Variants in PAK5 observed in about 807,000 individuals in gnomAD.
PAK5 encodes the protein p21 (RAC1) activated kinase 5.
In PAK5, 16 loss-of-function variants were observed where a neutral mutation model predicts 65.9. The observed-to-expected ratio is 0.24, with a 90% CI of 0.16 to 0.37. PAK5 has a LOEUF of 0.37. Among genes scored for constraint, PAK5 ranks in the 10% least tolerant of loss-of-function variants. The probability of loss-of-function intolerance (pLI) is 1.00; values close to 1 mark genes in which losing one functional copy is unlikely to be tolerated. For synonymous variants in PAK5, 371 were observed against 354.9 expected, an observed-to-expected ratio of 1.05 and a Z score of -0.51; for missense variants, 785 against 903.9, an observed-to-expected ratio of 0.87 and a Z score of 1.69.
At chr20:9,662,268 A>G (rs2047357001) in intron 2 of PAK5, among the ~76,000 whole-genome samples, 1 of 152,118 alleles carries the variant, frequency 6.6e-6, no homozygotes, top group Non-Finnish European at 1.5e-5. Context: ...ACCATGTTCA[A>G]TCAATATGAT....
intron 1 of PAK5, among the ~76,000 whole-genome samples, chr20:9,737,631 G>A (rs1193822496): frequency 6.6e-6 from 1 of 151,858 alleles, no homozygotes; most frequent in Non-Finnish European, 1.5e-5. Flanking sequence ...TTAAAAAAAA[G>A]CAAGCAACCC....
At chr20:9,758,874 C>T (rs1031497878) in intron 1 of PAK5, among the ~76,000 whole-genome samples, 4 of 152,038 alleles carry the variant, frequency 2.6e-5, no homozygotes, top group Non-Finnish European at 5.9e-5. Context: ...TGCCTGGAGG[C>T]CATGTCTAAG....
chr20:9,718,392 A>G (rs2048174944), intron 1 of PAK5, among the ~76,000 whole-genome samples: 1 of 152,008 alleles, frequency 6.6e-6, no homozygotes, highest in African/African-American at 2.4e-5. Flanking sequence ...CTGTTGTATT[A>G]CTCACCCTTT....
chr20:9,598,022 T>C (rs535487733), intron 3 of PAK5, among the ~76,000 whole-genome samples: 8 of 152,320 alleles, frequency 5.3e-5, no homozygotes, highest in Admixed American at 2.6e-4. Context: ...TAGGTAAACA[T>C]GTGCCATGGT....
At position 9,746,800 on chromosome 20, in the gene PAK5, C is replaced by T. The variant is rs149812164; in HGVS notation, c.-161-35365G>A. On this transcript the variant is annotated intron_variant, in intron 1 of 9. Transcript: ENST00000353224. ...TACCAAAAGCAAGAGCAAACACATTCAAAAGCTAGCAGAATGCAAGAAATA... is the reference window on the plus strand; with the variant it reads ...TACCAAAAGCAAGAGCAAACACATTTAAAAGCTAGCAGAATGCAAGAAATA... Among the ~76,000 whole-genome samples the T allele has an allele frequency of 9.1e-3, 1,383 of 152,184 alleles. 5 individuals carry two copies. The highest frequency in any genetic ancestry group is 0.014 in the Non-Finnish European group (967 of 67,988).
intron 3 of PAK5, among the ~76,000 whole-genome samples, chr20:9,612,262 C>CCT (rs1332165643): frequency 2.6e-5 from 4 of 152,344 alleles, no homozygotes; most frequent in Non-Finnish European, 5.9e-5. Context: ...ACACTTAGCG[C>CCT]ATTTCCTCTT....
At chr20:9,777,960 C>T (rs969424939) in intron 1 of PAK5, among the ~76,000 whole-genome samples, 3 of 152,124 alleles carry the variant, frequency 2.0e-5, no homozygotes, top group African/African-American at 4.8e-5. Context: ...GGTGGGTTTA[C>T]GTGAAGCTCT....
chr20:9,684,996 A>G (rs1482365439), intron 2 of PAK5, among the ~76,000 whole-genome samples: 1 of 152,208 alleles, frequency 6.6e-6, no homozygotes, highest in Non-Finnish European at 1.5e-5. Flanking sequence ...TCTCAGGACT[A>G]TAAATGCACT....
chr20:9,596,239 C>A (rs962571124), intron 3 of PAK5, among the ~76,000 whole-genome samples: 10 of 152,270 alleles, frequency 6.6e-5, no homozygotes, highest in African/African-American at 2.2e-4. Flanking sequence ...GCAGGTCAAT[C>A]AACTAGGGTC....
intron 1 of PAK5, among the ~76,000 whole-genome samples, chr20:9,772,621 T>G (rs979447543): frequency 6.6e-6 from 1 of 152,240 alleles, no homozygotes; most frequent in African/African-American, 2.4e-5. Context: ...GTGGTTGTAT[T>G]TCTCATAGAA....
chr20:9,611,286 T>C (rs1171404549), intron 3 of PAK5, among the ~76,000 whole-genome samples: 4 of 152,264 alleles, frequency 2.6e-5, no homozygotes, highest in Middle Eastern at 3.4e-3. Flanking sequence ...AACTCTCTAC[T>C]CTCCTCCTAT....
At chr20:9,830,882 C>T (rs1978658209) in intron 1 of PAK5, among the ~76,000 whole-genome samples, 1 of 152,212 alleles carries the variant, frequency 6.6e-6, no homozygotes, top group African/African-American at 2.4e-5. Context: ...TGGTATTCAA[C>T]CCTGTTTACC....
At chr20:9,601,826 G>A (rs538690087) in intron 3 of PAK5, among the ~76,000 whole-genome samples, 16 of 152,194 alleles carry the variant, frequency 1.1e-4, no homozygotes, top group South Asian at 4.1e-4. Context: ...GCCAAGAGGC[G>A]TCCAGAACAG....
intron 3 of PAK5, among the ~76,000 whole-genome samples, chr20:9,619,592 T>G (rs915006232): frequency 6.6e-6 from 1 of 152,218 alleles, no homozygotes; most frequent in Non-Finnish European, 1.5e-5. Context: ...TTCCTAAAGA[T>G]GAGGAGCTCG....
At position 9,699,500 on chromosome 20, in the gene PAK5, G is replaced by GA. The variant is rs201997539; in HGVS notation, c.-12+11785dup. ...CCTCAGTCTATTCCTTTTGAAACTT[G>GA]AAAAAAAAATATTAAGCTTATGAGG... On this transcript the variant is annotated intron_variant, in intron 2 of 9. Transcript: ENST00000353224. Among the ~76,000 whole-genome samples, 1,287 of 142,772 alleles carry GA rather than the reference G, an allele frequency of 9.0e-3. 11 individuals are homozygous for GA. Among genetic ancestry groups the GA allele is most frequent in the Middle Eastern group, 0.047 (13 of 274 alleles). The allele number at this position is 142,772 out of a possible 152,430, so 93.7% of individuals were successfully genotyped here.
chr20:9,729,086 T>A (rs1207064024), intron 1 of PAK5, among the ~76,000 whole-genome samples: 20 of 152,130 alleles, frequency 1.3e-4, no homozygotes, highest in Non-Finnish European at 2.9e-5. Flanking sequence ...TACAAAAAAA[T>A]TAGCTGGGCA....
chr20:9,711,469 C>T (rs2048076825), intron 1 of PAK5, 34 bp from the exon 2 acceptor site: 2 of 152,084 alleles, frequency 1.3e-5, no homozygotes, highest in Non-Finnish European at 2.9e-5. Flanking sequence ...GACTCAGAAC[C>T]CCACTAACAT....
At chr20:9,754,952 C>T (rs1033676804) in intron 1 of PAK5, among the ~76,000 whole-genome samples, 1 of 152,144 alleles carries the variant, frequency 6.6e-6, no homozygotes, top group Non-Finnish European at 1.5e-5. Flanking sequence ...TTTCAAGAGG[C>T]AATATATCTC....
At chr20:9,571,875 G>GGA (rs1193672362) in intron 4 of PAK5, among the ~76,000 whole-genome samples, 1 of 59,080 alleles carries the variant, frequency 1.7e-5, no homozygotes, top group African/African-American at 1.4e-4. Context: ...CATGAATGAT[G>GGA]GGGGGGGGGG....
Sources: allele counts gnomAD v4.1 joint callset (sites outside exome capture counted in the v4.1 genomes callset), GRCh38; gene constraint gnomAD v4.1.1; transcripts MANE v1.5; gene names NCBI Gene and HGNC (gene_info 2026-07-23, HGNC 2026-07-21).